KLHL29: variants seen among roughly 807,000 people sequenced by gnomAD.
KLHL29 encodes the protein kelch-like protein 29.
Under a neutral mutation model 80.4 loss-of-function variants are expected in KLHL29, and 21 were observed. The observed-to-expected ratio is 0.26, with a 90% CI of 0.19 to 0.38. The LOEUF (loss-of-function observed/expected upper bound fraction) is 0.38. Ranked by LOEUF, KLHL29 falls within the 10% of genes least tolerant of loss-of-function variation. The pLI, the probability that KLHL29 is intolerant of heterozygous loss-of-function variation, is 1.00. For synonymous variants in KLHL29, 511 were observed against 526.8 expected (o/e 0.97, Z 0.41); for missense variants, 867 against 1,223.9 (o/e 0.71, Z 4.35).
At chr2:23,557,684 C>G (rs1337975382) in intron 2 of KLHL29, among the ~76,000 whole-genome samples, 2 of 152,082 alleles carry the variant, frequency 1.3e-5, no homozygotes, top group African/African-American at 4.8e-5. Context: ...ACCCCTTTGA[C>G]CTGATCCCAA....
chr2:23,501,767 G>A (rs1665451683), intron 2 of KLHL29, among the ~76,000 whole-genome samples: 1 of 152,062 alleles, frequency 6.6e-6, no homozygotes, highest in African/African-American at 2.4e-5. Flanking sequence ...GAAATGCCTG[G>A]ATCTTTGGCA....
At position 23,642,672 on chromosome 2, in the gene KLHL29, C is replaced by T. The variant is rs577035265; in HGVS notation, c.762C>T (p.Asn254=). 47 of 1,547,962 alleles carry T rather than the reference C, an allele frequency of 3.0e-5. No individual in the cohort carries two copies. Among genetic ancestry groups the T allele is most frequent in the East Asian group, 4.9e-5 (2 of 40,826 alleles). ...VARPGPTAVG[N]GHMAGPLLPP... ...GCCCAGGACCCACCGCTGTGGGCAA[C>T]GGCCACATGGCAGGGCCCCTGCTGC... The change falls in exon 5 of 14, where the codon AAC becomes AAT. Residue 254 remains asparagine, a synonymous_variant. Transcript: ENST00000486442.
At chr2:23,387,541 T>TGA (rs1210799777) in intron 1 of KLHL29, among the ~76,000 whole-genome samples, 1 of 124,280 alleles carries the variant, frequency 8.0e-6, no homozygotes, top group East Asian at 2.5e-4. Context: ...ATTATTATTA[T>TGA]TATTATGGAA....
In KLHL29 at chr2:23,695,752, C is replaced by T. The variant is rs1333118844; in HGVS notation, c.1672C>T (p.Arg558Cys). The T allele has an allele frequency of 2.6e-6, 4 of 1,551,536 alleles. No individual in the cohort carries two copies. Among genetic ancestry groups the T allele is most frequent in the Non-Finnish European group, 3.5e-6 (4 of 1,146,994 alleles). ...ACRDLVNEAK[R>C]YHMLPHARQE... ...CCGGGACCTGGTGAACGAGGCCAAA[C>T]GCTACCATATGCTGCCCCACGCCCG... The change falls in exon 9 of 14, where the codon CGC (arginine) becomes TGC (cysteine). Residue 558 changes from arginine to cysteine, a missense_variant. By Grantham distance (180) the Arg-to-Cys change is radical. Coordinates refer to ENST00000486442, the MANE Select transcript of KLHL29 (RefSeq NM_052920.2). The surrounding 1 kb of genome is among the most constrained non-coding windows in gnomAD (Gnocchi z 7.6).
rs186435446 is a variant in KLHL29, at chr2:23,515,754, G to T, written c.-46+40087G>T. 1.3e-3 allele frequency among the ~76,000 whole-genome samples: 202 copies of T among 152,286 alleles called. 2 individuals carry two copies. The highest frequency in any genetic ancestry group is 2.3e-3 in the Non-Finnish European group (154 of 68,018). ...CACCAAATTGTATTAATACACAATT[G>T]TTTGTTGACTTAGACCAAGTTCATA... On this transcript the variant is annotated intron_variant, in intron 2 of 13. Transcript: ENST00000486442.
At chr2:23,397,992 C>T (rs1572480700) in intron 1 of KLHL29, among the ~76,000 whole-genome samples, 2 of 84,782 alleles carry the variant, frequency 2.4e-5, no homozygotes, top group Non-Finnish European at 6.7e-5. Flanking sequence ...AAACTGCAAC[C>T]CTTATGCACT....
chr2:23,434,385 G>A (rs1018524258), intron 1 of KLHL29, among the ~76,000 whole-genome samples: 3 of 136,238 alleles, frequency 2.2e-5, no homozygotes, highest in Non-Finnish European at 4.7e-5. Context: ...CAGGAGCCCT[G>A]GGCTCTGACA....
intron 5 of KLHL29, among the ~76,000 whole-genome samples, chr2:23,654,717 T>G (rs1670193304): frequency 7.2e-6 from 1 of 138,518 alleles, no homozygotes; most frequent in Non-Finnish European, 1.6e-5. Flanking sequence ...GGTGGATGTT[T>G]TGTATGTGCC....
chr2:23,385,780 G>T lies in KLHL29; in HGVS notation c.-154G>T. 6.5e-6 allele frequency: 1 copy of T among 154,428 alleles called. No individual in the cohort carries two copies. The highest frequency in any genetic ancestry group is 2.0e-4 in the South Asian group (1 of 4,952). The allele number at this position is 154,428 out of a possible 1,614,324, so 9.6% of individuals were successfully genotyped here. ...GCCGGGGCCGGAGCCGCGCGCCGGA[G>T]GTAAGAGCCGGGCCGGGCTGGAGCG... On this transcript the variant is annotated splice_region_variant and 5_prime_UTR_variant, in exon 1 of 14. Transcript: ENST00000486442.
rs373540154 is a variant in KLHL29, at chr2:23,520,999, C to CG, written c.-45-41153_-45-41152insG. ...TTTCATTTTACAAAGACCACCCCCC[C>CG]CCCCGCTCCCCCTCAGGGGTGTTTC... is the stretch of plus-strand genomic sequence containing the variant. On this transcript the variant is annotated intron_variant, in intron 2 of 13. Transcript: ENST00000486442. 1.4e-3 allele frequency among the ~76,000 whole-genome samples: 205 copies of CG among 147,834 alleles called. 1 individual carries two copies. The highest frequency in any genetic ancestry group is 5.2e-3 in the African/African-American group (196 of 37,392).
At chr2:23,629,218 C>T (rs955738439) in intron 3 of KLHL29, among the ~76,000 whole-genome samples, 1 of 151,854 alleles carries the variant, frequency 6.6e-6, no homozygotes, top group South Asian at 2.1e-4. Context: ...CCTGTCTGTC[C>T]GTCTGGGCCA....
intron 5 of KLHL29, among the ~76,000 whole-genome samples, chr2:23,659,898 C>T (rs911372987): frequency 2.6e-5 from 4 of 151,892 alleles, no homozygotes; most frequent in Middle Eastern, 3.2e-3. Context: ...ATCTTCCTAA[C>T]GCACCACCTG....
rs566495556 is a variant in KLHL29 at position 23,651,456 on chromosome 2, G to A, written c.940+8606G>A. Among the ~76,000 whole-genome samples, 19 of 152,202 alleles carry A rather than the reference G, an allele frequency of 1.2e-4. No individual in the cohort carries two copies. In the South Asian group the frequency reaches 1.9e-3, roughly 15 times the overall value. On this transcript the variant is annotated intron_variant, in intron 5 of 13. Transcript: ENST00000486442. ...CAGACCAAGGTCTACACACAATGCC[G>A]GTGTGTATTCGTTTTTCACCAACAT...
chr2:23,602,734 G>A (rs775777820), intron 3 of KLHL29, among the ~76,000 whole-genome samples: 4 of 151,784 alleles, frequency 2.6e-5, no homozygotes, highest in South Asian at 4.2e-4. Context: ...GATTACAGGC[G>A]TGAGGCACCA....
At chr2:23,405,972 TA>T in intron 1 of KLHL29, among the ~76,000 whole-genome samples, 1 of 152,178 alleles carries the variant, frequency 6.6e-6, no homozygotes, top group Non-Finnish European at 1.5e-5. Flanking sequence ...GTTTTGGTAG[TA>T]AAAGGCAACA....
intron 2 of KLHL29, among the ~76,000 whole-genome samples, chr2:23,552,435 T>A (rs1667153921): frequency 6.6e-6 from 1 of 152,152 alleles, no homozygotes; most frequent in African/African-American, 2.4e-5. Flanking sequence ...AGAAGAGCCT[T>A]GTGAAGGGTG....
chr2:23,395,573 G>A (rs148686751), intron 1 of KLHL29, among the ~76,000 whole-genome samples: 7 of 152,054 alleles, frequency 4.6e-5, no homozygotes, highest in South Asian at 2.1e-4. Flanking sequence ...GGTGAAACCC[G>A]GTCTCTACCA....
intron 2 of KLHL29, among the ~76,000 whole-genome samples, chr2:23,518,693 G>T (rs1558369586): frequency 6.6e-6 from 1 of 152,160 alleles, no homozygotes; most frequent in Non-Finnish European, 1.5e-5. Context: ...GCATGTGCTT[G>T]CTCCCCACTG....
At chr2:23,673,435 C>T (rs1670826621) in intron 5 of KLHL29, among the ~76,000 whole-genome samples, 1 of 146,538 alleles carries the variant, frequency 6.8e-6, no homozygotes, top group South Asian at 2.3e-4. Context: ...CACACCCCCA[C>T]ACCACATGCT....
Sources: allele counts gnomAD v4.1 joint callset (sites outside exome capture counted in the v4.1 genomes callset), GRCh38; gene constraint gnomAD v4.1.1; non-coding constraint Gnocchi (gnomAD v3.1); transcripts MANE v1.5; gene names NCBI Gene and HGNC (gene_info 2026-07-23, HGNC 2026-07-21).